The following SEMA3A variants were observed in gnomAD, a reference collection of about 807,000 sequenced individuals.
The protein encoded by SEMA3A is semaphorin 3A, also known as semaphorin-3A.
SEMA3A carries 29 observed loss-of-function variants against 97.9 expected under a neutral mutation model. The ratio of observed to expected loss-of-function variants is 0.30; its 90% CI spans 0.22 to 0.40. SEMA3A has a LOEUF of 0.40. SEMA3A is among the 10% of genes least tolerant of loss of function. The pLI, the probability that SEMA3A is intolerant of heterozygous loss-of-function variation, is 1.00. For missense variants in SEMA3A, 763 were observed against 951.3 expected (o/e 0.80, Z 2.60); for synonymous variants, 321 against 323.7 (o/e 0.99, Z 0.09).
At chr7:84,086,491 CATATAATATATTATTATATTATATTTAT>C (rs1562770030) in intron 4 of SEMA3A, among the ~76,000 whole-genome samples, 618 of 54,034 alleles carry the variant, frequency 0.011, 3 homozygotes, top group East Asian at 0.044. Flanking sequence ...ATTATATTTA[CATATAATATATTATTATATTATATTTAT>C]ATATAATATA....
chr7:84,360,355 T>C (rs535873796), intron 2 of SEMA3A, among the ~76,000 whole-genome samples: 4 of 152,176 alleles, frequency 2.6e-5, no homozygotes, highest in Admixed American at 6.5e-5. Context: ...TCTGTTCTCG[T>C]TGGTTTCAAA....
intron 2 of SEMA3A, among the ~76,000 whole-genome samples, chr7:84,348,578 C>T (rs1441030512): frequency 6.6e-6 from 1 of 152,130 alleles, no homozygotes; most frequent in Non-Finnish European, 1.5e-5. Context: ...TTTCCAGTTA[C>T]ATGAATTTCA....
intron 4 of SEMA3A, among the ~76,000 whole-genome samples, chr7:84,088,322 C>T (rs1430827165): frequency 2.0e-5 from 3 of 151,856 alleles, no homozygotes; most frequent in East Asian, 3.9e-4. Context: ...GGCATGGTGG[C>T]GGGTGCCTGT....
chr7:84,344,726 T>C (rs907877938), intron 2 of SEMA3A, among the ~76,000 whole-genome samples: 4 of 152,136 alleles, frequency 2.6e-5, no homozygotes, highest in African/African-American at 7.2e-5. Context: ...AAAGAACTAT[T>C]TTAAAAAAGA....
intron 5 of SEMA3A, among the ~76,000 whole-genome samples, chr7:84,046,826 A>G (rs1396749682): frequency 6.6e-6 from 1 of 152,078 alleles, no homozygotes; most frequent in Non-Finnish European, 1.5e-5. Context: ...TAAAGTTACT[A>G]TGGTTCTAAT....
At chr7:84,144,930 C>T (rs758993637) in intron 1 of SEMA3A, among the ~76,000 whole-genome samples, 28 of 152,078 alleles carry the variant, frequency 1.8e-4, no homozygotes, top group Non-Finnish European at 8.8e-5. Flanking sequence ...ATTTTACACA[C>T]TCATTTGTTT....
At chr7:84,212,836 T>A (rs1798662994) in intron 3 of SEMA3A, among the ~76,000 whole-genome samples, 1 of 152,212 alleles carries the variant, frequency 6.6e-6, no homozygotes, top group African/African-American at 2.4e-5. Flanking sequence ...TTTATACATA[T>A]CTGCATATGT....
chr7:83,968,909 C>G (rs1285951427), intron 15 of SEMA3A, among the ~76,000 whole-genome samples: 1 of 142,936 alleles, frequency 7.0e-6, no homozygotes, highest in Non-Finnish European at 1.5e-5. Flanking sequence ...CTCCCAGGTT[C>G]AAACAATTCT....
chr7:84,069,149 CAT>C (rs942898036), intron 4 of SEMA3A, among the ~76,000 whole-genome samples: 4 of 152,132 alleles, frequency 2.6e-5, no homozygotes, highest in African/African-American at 4.8e-5. Flanking sequence ...ACTTCTTACA[CAT>C]GTTTGTAGTG....
chr7:84,425,244 T>C (rs1286162979), intron 1 of SEMA3A, among the ~76,000 whole-genome samples: 1 of 120,540 alleles, frequency 8.3e-6, no homozygotes, highest in Non-Finnish European at 1.6e-5. Context: ...TTGATATAAA[T>C]ATAAATATAT....
At chr7:84,259,984 G>A (rs1052017612) in intron 3 of SEMA3A, among the ~76,000 whole-genome samples, 1 of 152,156 alleles carries the variant, frequency 6.6e-6, no homozygotes, top group African/African-American at 2.4e-5. Context: ...GATGCTTCGT[G>A]TCAGGTGCCT....
intron 3 of SEMA3A, among the ~76,000 whole-genome samples, chr7:84,233,468 T>C (rs1369719143): frequency 6.6e-6 from 1 of 152,024 alleles, no homozygotes; most frequent in African/African-American, 2.4e-5. Flanking sequence ...GGATATTCTG[T>C]GTAGTATAAT....
intron 1 of SEMA3A, among the ~76,000 whole-genome samples, chr7:84,192,767 T>C (rs1251693562): frequency 6.6e-6 from 1 of 151,990 alleles, no homozygotes; most frequent in Non-Finnish European, 1.5e-5. Context: ...AGCACTTAGA[T>C]ATATTCAAGC....
intron 4 of SEMA3A, among the ~76,000 whole-genome samples, chr7:84,083,599 A>C (rs542576709): frequency 9.2e-5 from 14 of 151,956 alleles, no homozygotes; most frequent in Non-Finnish European, 7.4e-5. Context: ...CCCTCTTCAT[A>C]TCTACCTCCC....
intron 3 of SEMA3A, among the ~76,000 whole-genome samples, chr7:84,246,177 C>T: frequency 6.6e-6 from 1 of 152,162 alleles, no homozygotes; most frequent in African/African-American, 2.4e-5. Flanking sequence ...CAGAAATCAC[C>T]CGCCTTCTGT....
At chr7:84,315,043 T>G (rs1002339436) in intron 2 of SEMA3A, among the ~76,000 whole-genome samples, 1 of 152,150 alleles carries the variant, frequency 6.6e-6, no homozygotes, top group African/African-American at 2.4e-5. Context: ...TACGAATAAT[T>G]TTCTACTCAC....
chr7:84,035,865 T>G (rs939504094), intron 6 of SEMA3A, among the ~76,000 whole-genome samples: 1 of 152,092 alleles, frequency 6.6e-6, no homozygotes, highest in Non-Finnish European at 1.5e-5. Flanking sequence ...GGGACATTTG[T>G]CACTGAGATA....
chr7:84,134,836 G>A lies in SEMA3A; in HGVS notation c.228C>T (p.His76=), dbSNP rs768295898. Residue 76 remains histidine (H), a synonymous_variant, in exon 2 of 17, where the codon CAC becomes CAT. Coordinates refer to ENST00000265362, the MANE Select transcript of SEMA3A (RefSeq NM_006080.3). ...TATTAACCAGGTCGAATGAAAATAT[G>A]TGATCCTTTGCTCCAACATACAGCC... ...RSRLYVGAKD[H]IFSFDLVNIK... is the part of the protein sequence containing the mutation. 3.7e-6 allele frequency: 6 copies of A among 1,613,220 alleles called. No individual in the cohort carries two copies. Among genetic ancestry groups the A allele is most frequent in the Non-Finnish European group, 5.1e-6 (6 of 1,179,604 alleles).
At chr7:83,969,819 TAAG>T (rs769180866) in intron 15 of SEMA3A, among the ~76,000 whole-genome samples, 13 of 152,156 alleles carry the variant, frequency 8.5e-5, no homozygotes, top group Non-Finnish European at 1.6e-4. Flanking sequence ...TAGGGAATAA[TAAG>T]AAGAGAAAGA....
Sources: gnomAD v4.1 joint callset for allele counts (sites outside exome capture counted in the v4.1 genomes callset) on GRCh38, gnomAD v4.1.1 for gene constraint, MANE v1.5 for transcripts, NCBI Gene and HGNC (gene_info 2026-07-23, HGNC 2026-07-21) for gene names.